Variants in SENP3 observed in about 807,000 individuals in gnomAD.
SENP3 encodes SUMO specific peptidase 3, also known as sentrin-specific protease 3.
Under a neutral mutation model 66.2 loss-of-function variants are expected in SENP3, and 11 were observed. The observed-to-expected ratio is 0.17, with a 90% confidence interval of 0.10 to 0.28. The LOEUF is 0.28. SENP3 is among the 10% of genes least tolerant of loss of function. The pLI, the probability that SENP3 is intolerant of heterozygous loss-of-function variation, is 1.00. For missense variants in SENP3, 548 were observed against 743.7 expected (o/e 0.74, Z 3.06); for synonymous variants, 292 against 277.6 (o/e 1.05, Z -0.52).
chr17:7,564,139 T>C (rs2071248238), intron 2 of SENP3, among the ~76,000 whole-genome samples: 2 of 152,122 alleles, frequency 1.3e-5, no homozygotes, highest in Non-Finnish European at 1.5e-5. Context: ...CGTGTATACA[T>C]CTCCAGAGGG....
Position 7,563,273 on chromosome 17 carries a change from C to A in SENP3, c.197C>A (p.Pro66His), listed in dbSNP as rs2071236847. The A allele has an allele frequency of 2.6e-6, 4 of 1,554,242 alleles. No homozygotes were observed. Among genetic ancestry groups the A allele is most frequent in the Non-Finnish European group, 3.5e-6 (4 of 1,148,454 alleles). ...GTGCCAGCCAGACGCCTCCCTGTCC[C>A]CCGACCCTCTTTTGATGCCTCAGCA... ...TTVPARRLPV[P>H]RPSFDASASE... Residue 66 changes from proline to histidine, a missense_variant, in exon 2 of 11, where the codon CCC (proline) becomes CAC (histidine). Coordinates refer to ENST00000321337, the MANE Select transcript of SENP3 (RefSeq NM_015670.6).
intron 7 of SENP3, among the ~76,000 whole-genome samples, chr17:7,569,869 C>G (rs937703113): frequency 6.6e-6 from 1 of 152,190 alleles, no homozygotes; most frequent in Admixed American, 6.5e-5. Flanking sequence ...TTACTTTGTG[C>G]TGTGTCTTGT....
At position 7,570,467 on chromosome 17, in the gene SENP3, C is replaced by T. The variant is rs765624852; in HGVS notation, c.1453C>T (p.Arg485Cys). The T allele has an allele frequency of 1.9e-6, 3 of 1,613,078 alleles. No homozygotes were observed. The highest frequency in any genetic ancestry group is 1.1e-5 in the South Asian group (1 of 91,074). The part of the protein sequence containing the change: ...RRTITYFDSQ[R>C]TLNRRCPKHI... ...CACCATCACCTATTTTGACTCGCAG[C>T]GTACCCTAAACCGCCGCTGCCCTAA... The change falls in exon 8 of 11, where the codon CGT becomes TGT. Residue 485 changes from arginine to cysteine, a missense_variant. By Grantham distance (180) the Arg-to-Cys change is radical. Around this residue, in one of 6 missense-constraint regions of SENP3, gnomAD observed 81 missense variants for 139.8 expected, o/e 0.58. Coordinates refer to ENST00000321337, the MANE Select transcript of SENP3 (RefSeq NM_015670.6). The surrounding 1 kb of genome is among the most constrained non-coding windows in gnomAD (Gnocchi z 5.4).
intron 4 of SENP3, 52 bp from the exon 5 acceptor site, chr17:7,565,388 G>C (rs958680693): frequency 1.3e-5 from 21 of 1,600,010 alleles, no homozygotes; most frequent in East Asian, 6.7e-5. Flanking sequence ...AGGTATTTCT[G>C]TGTGCCCCAG....
chr17:7,564,480 C>A, intron 2 of SENP3, 145 bp from the exon 3 acceptor site: 1 of 1,208,942 alleles, frequency 8.3e-7, no homozygotes, highest in Non-Finnish European at 1.2e-6. Flanking sequence ...GTCCCCATTT[C>A]TTGGAGTGGG....
In SENP3 at chr17:7,566,980, T is replaced by C. The variant is rs762962707; in HGVS notation, c.1317T>C (p.Asp439=). 2 of 1,569,398 alleles carry C rather than the reference T, an allele frequency of 1.3e-6. No individual in the cohort carries two copies. Among genetic ancestry groups the C allele is most frequent in the Admixed American group, 1.9e-5 (1 of 53,226 alleles). The part of the protein sequence containing the change: ...FYDKLRTKGY[D]GVKRWTKNVD... ...ATAAACTCCGTACCAAGGGTTATGA[T>C]GGGGTGAAAAGGTGGACCAAAAACG... The change falls in exon 7 of 11, where the codon GAT becomes GAC. Residue 439 remains aspartate (D), a synonymous_variant. Coordinates refer to ENST00000321337, the MANE Select transcript of SENP3 (RefSeq NM_015670.6).
chr17:7,570,472 C>A lies in SENP3; in HGVS notation c.1458C>A (p.Thr486=). ...TCACCTATTTTGACTCGCAGCGTAC[C>A]CTAAACCGCCGCTGCCCTAAGGTTT... The part of the protein sequence containing the change: ...RTITYFDSQR[T]LNRRCPKHIA... Residue 486 remains threonine, a synonymous_variant, in exon 8 of 11, where the codon ACC becomes ACA. Coordinates refer to ENST00000321337, the MANE Select transcript of SENP3 (RefSeq NM_015670.6). This position sits in a 1 kb window ranked among gnomAD's most constrained non-coding sequence, Gnocchi z 5.4. 1.2e-6 allele frequency: 2 copies of A among 1,612,358 alleles called. No homozygotes were observed. The highest frequency in any genetic ancestry group is 8.5e-7 in the Non-Finnish European group (1 of 1,179,432).
chr17:7,570,981 T>G lies in SENP3; in HGVS notation c.1614+48T>G. The stretch of plus-strand genomic sequence containing the variant: ...TCCCCTAGCTCTGAAGTCAGTTGGG[T>G]TAAAGGGTCGGGAGGCTGTTATGCA... On this transcript the variant is annotated intron_variant, in intron 10 of 10. Coordinates refer to ENST00000321337, the MANE Select transcript of SENP3 (RefSeq NM_015670.6). This position sits in a 1 kb window ranked among gnomAD's most constrained non-coding sequence, Gnocchi z 5.4. 1 of 1,565,830 alleles carries G rather than the reference T, an allele frequency of 6.4e-7. No individual in the cohort carries two copies. The highest frequency in any genetic ancestry group is 1.1e-5 in the South Asian group (1 of 87,946).
chr17:7,567,759 G>A (rs1358920776), intron 7 of SENP3, among the ~76,000 whole-genome samples: 3 of 152,106 alleles, frequency 2.0e-5, no homozygotes, highest in East Asian at 3.9e-4. Flanking sequence ...TACAAAATTC[G>A]GTCAGAGAGT....
chr17:7,564,829 G>C lies in SENP3; in HGVS notation c.920G>C (p.Ser307Thr), dbSNP rs779874368. The change falls in exon 3 of 11, where the codon AGC (serine) becomes ACC (threonine). Residue 307 changes from serine to threonine, a missense_variant. Ser to Thr is a moderately conservative substitution (Grantham distance 58). This residue lies in a region of SENP3 where 215 missense variants were observed against 230.7 expected (regional missense o/e 0.93). Transcript: ENST00000321337. ...CCTGGGGAGAAAGCCGGCCAGCACA[G>C]CCCCCTGCGAGAGGAGCATGTGACC... ...ERPGEKAGQHSPLREEHVTCV... is the reference protein window; with the variant it reads ...ERPGEKAGQHTPLREEHVTCV... The C allele has an allele frequency of 6.2e-7, 1 of 1,612,620 alleles. No individual in the cohort carries two copies. The highest frequency in any genetic ancestry group is 8.5e-7 in the Non-Finnish European group (1 of 1,179,206).
chr17:7,566,038 A>T (rs2071264853), intron 6 of SENP3: 1 of 333,746 alleles, frequency 3.0e-6, no homozygotes, highest in Non-Finnish European at 5.5e-6. Context: ...AGATTTAAAA[A>T]AAAAAAGAAA....
Position 7,570,353 on chromosome 17 carries a change from T to C in SENP3, c.1342-3T>C, listed in dbSNP as rs1362458315. On this transcript the variant is annotated splice_region_variant and splice_polypyrimidine_tract_variant and intron_variant, in intron 7 of 10. Transcript: ENST00000321337. This position sits in a 1 kb window ranked among gnomAD's most constrained non-coding sequence, Gnocchi z 5.4. Reference sequence around the variant, plus strand: ...TACCTGACCTGTGGCACTATCTCTTTAGGTGGACATCTTCAATAAGGAGCT... The same window carrying C: ...TACCTGACCTGTGGCACTATCTCTTCAGGTGGACATCTTCAATAAGGAGCT... 2 of 1,612,970 alleles carry C rather than the reference T, an allele frequency of 1.2e-6. No homozygotes were observed. Among genetic ancestry groups the C allele is most frequent in the Admixed American group, 1.7e-5 (1 of 60,010 alleles).
Position 7,563,183 on chromosome 17 carries a change from C to A in SENP3, c.107C>A (p.Pro36Gln). Residue 36 changes from proline (P) to glutamine (Q), a missense_variant, in exon 2 of 11, where the codon CCA becomes CAA. Physicochemically the swap from Pro to Gln is moderately conservative, Grantham distance 76. Around this residue, in one of 6 missense-constraint regions of SENP3, gnomAD observed 164 missense variants for 167.9 expected, o/e 0.98. Coordinates refer to ENST00000321337, the MANE Select transcript of SENP3 (RefSeq NM_015670.6). ...SPRRERLRWPPPPKPRLKSGG... is the reference protein window; with the variant it reads ...SPRRERLRWPQPPKPRLKSGG... ...AGGCGGGAGCGTCTTCGTTGGCCCC[C>A]ACCTCCCAAACCCCGACTCAAGTCA... The A allele has an allele frequency of 6.4e-7, 1 of 1,565,612 alleles. No individual in the cohort carries two copies. The highest frequency in any genetic ancestry group is 8.7e-7 in the Non-Finnish European group (1 of 1,155,426).
At chr17:7,566,113 G>A (rs555941775) in intron 6 of SENP3, 8 of 195,646 alleles carry the variant, frequency 4.1e-5, no homozygotes, top group East Asian at 3.6e-4. Context: ...AGACCAGGGC[G>A]GGTGGATCAC....
At chr17:7,563,022 G>C in intron 1 of SENP3, 44 bp from the exon 2 acceptor site, 1 of 1,411,698 alleles carries the variant, frequency 7.1e-7, no homozygotes, top group African/African-American at 1.5e-5. Flanking sequence ...GATCTGCGGT[G>C]GGGTGATGCT....
At chr17:7,564,588 A>C in intron 2 of SENP3, 37 bp from the exon 3 acceptor site, 1 of 1,611,612 alleles carries the variant, frequency 6.2e-7, no homozygotes, top group Non-Finnish European at 8.5e-7. Context: ...TCCCCAGGCC[A>C]GTCTCTCATG....
intron 10 of SENP3, 140 bp downstream of exon 10, chr17:7,571,073 G>T: frequency 1.3e-6 from 1 of 748,092 alleles, no homozygotes; most frequent in Non-Finnish European, 2.2e-6. Flanking sequence ...CCAAAACACT[G>T]GCTTCACTGG....
chr17:7,570,964 C>G lies in SENP3; in HGVS notation c.1614+31C>G. The G allele has an allele frequency of 1.3e-6, 2 of 1,599,972 alleles. No homozygotes were observed. The highest frequency in any genetic ancestry group is 1.7e-6 in the Non-Finnish European group (2 of 1,170,170). ...CAGATGATGGGGCCACCTCCCCTAG[C>G]TCTGAAGTCAGTTGGGTTAAAGGGT... is the stretch of plus-strand genomic sequence containing the variant. On this transcript the variant is annotated intron_variant, in intron 10 of 10. Transcript: ENST00000321337. This position sits in a 1 kb window ranked among gnomAD's most constrained non-coding sequence, Gnocchi z 5.4.
rs569520715 is a variant in SENP3 at position 7,563,377 on chromosome 17, A to G, written c.301A>G (p.Arg101Gly). The G allele has an allele frequency of 7.3e-4, 1,130 of 1,551,320 alleles. 1 individual carries two copies. The highest frequency in any genetic ancestry group is 9.3e-4 in the Non-Finnish European group (1,061 of 1,147,012). Residue 101 changes from arginine to glycine, a missense_variant, in exon 2 of 11, where the codon AGA becomes GGA. Physicochemically the swap from Arg to Gly is moderately radical, Grantham distance 125. Transcript: ENST00000321337. ...EEVAAWRLPP[R>G]WSQLGTSQRP... Reference sequence around the variant, plus strand: ...AGTGGCAGCTTGGAGGCTGCCCCCAAGATGGAGTCAGCTGGGAACCTCCCA... The same window carrying G: ...AGTGGCAGCTTGGAGGCTGCCCCCAGGATGGAGTCAGCTGGGAACCTCCCA...
Sources: gnomAD v4.1 joint callset for allele counts (sites outside exome capture counted in the v4.1 genomes callset) on GRCh38, gnomAD v4.1.1 for gene constraint, gnomAD v4.1.1 regional missense constraint, Gnocchi (gnomAD v3.1) non-coding constraint, MANE v1.5 for transcripts, NCBI Gene and HGNC (gene_info 2026-07-23, HGNC 2026-07-21) for gene names.